The following PACRG variants were observed in gnomAD, a reference collection of about 807,000 sequenced individuals.
The protein encoded by PACRG is parkin coregulated gene protein.
In PACRG, 29 loss-of-function variants were observed where a neutral mutation model predicts 29.7. The observed-to-expected ratio is 0.98, with a 90% CI of 0.73 to 1.33. The LOEUF (loss-of-function observed/expected upper bound fraction) is 1.33. PACRG is among the 40% of genes most tolerant of loss of function. PACRG has a pLI of 0.00. For missense variants in PACRG, 279 were observed against 316.2 expected, an observed-to-expected ratio of 0.88 and a Z score of 0.89; for synonymous variants, 116 against 118.7, an observed-to-expected ratio of 0.98 and a Z score of 0.15.
chr6:163,148,428 C>T (rs1361058444), intron 4 of PACRG, among the ~76,000 whole-genome samples: 1 of 152,108 alleles, frequency 6.6e-6, no homozygotes, highest in Non-Finnish European at 1.5e-5. Flanking sequence ...GTGTGCAGGC[C>T]ACATCTGGCC....
intron 2 of PACRG, among the ~76,000 whole-genome samples, chr6:163,045,591 G>A (rs1331034588): frequency 6.7e-6 from 1 of 150,246 alleles, no homozygotes; most frequent in Non-Finnish European, 1.5e-5. Flanking sequence ...CCAAAGTGCT[G>A]GGATTACAGG....
intron 2 of PACRG, among the ~76,000 whole-genome samples, chr6:162,923,426 T>C (rs1797207170): frequency 6.6e-6 from 1 of 152,234 alleles, no homozygotes; most frequent in African/African-American, 2.4e-5. Flanking sequence ...CATAAAATCT[T>C]TGCTATGCCA....
chr6:163,113,753 A>G (rs1277492720), intron 4 of PACRG, among the ~76,000 whole-genome samples: 1 of 152,204 alleles, frequency 6.6e-6, no homozygotes, highest in Non-Finnish European at 1.5e-5. Flanking sequence ...TGCAGAAAAC[A>G]CTAAAAGGAG....
At chr6:162,842,366 C>T (rs1315185943) in intron 2 of PACRG, among the ~76,000 whole-genome samples, 2 of 147,140 alleles carry the variant, frequency 1.4e-5, no homozygotes, top group African/African-American at 5.0e-5. Flanking sequence ...TTCTTTGTCT[C>T]TTTTGATCTT....
chr6:163,290,409 A>C (rs778434164), intron 4 of PACRG, among the ~76,000 whole-genome samples: 1 of 152,076 alleles, frequency 6.6e-6, no homozygotes, highest in Non-Finnish European at 1.5e-5. Flanking sequence ...GGGACCAAAA[A>C]CGTTGACCAG....
At chr6:162,953,980 A>G (rs1194956268) in intron 2 of PACRG, among the ~76,000 whole-genome samples, 1 of 152,218 alleles carries the variant, frequency 6.6e-6, no homozygotes, top group African/African-American at 2.4e-5. Context: ...TATTTTTACA[A>G]AATTCTAATA....
intron 2 of PACRG, among the ~76,000 whole-genome samples, chr6:162,941,266 A>T (rs1456387906): frequency 6.6e-6 from 1 of 151,854 alleles, no homozygotes; most frequent in African/African-American, 2.4e-5. Context: ...AGGTTATTTC[A>T]TTTCTTCTGG....
intron 4 of PACRG, among the ~76,000 whole-genome samples, chr6:163,270,855 A>G (rs1431078976): frequency 6.6e-6 from 1 of 152,200 alleles, no homozygotes; most frequent in Non-Finnish European, 1.5e-5. Flanking sequence ...CCAATAGAAA[A>G]TGGTAGCAAA....
At chr6:163,265,782 A>G (rs1016773521) in intron 4 of PACRG, among the ~76,000 whole-genome samples, 3 of 152,240 alleles carry the variant, frequency 2.0e-5, no homozygotes, top group Non-Finnish European at 2.9e-5. Context: ...TTAATGATCG[A>G]GGTTAAATAT....
At chr6:162,945,944 A>T (rs959747053) in intron 2 of PACRG, among the ~76,000 whole-genome samples, 2 of 152,180 alleles carry the variant, frequency 1.3e-5, no homozygotes, top group Admixed American at 6.5e-5. Flanking sequence ...GGAGGAAATT[A>T]AAAAATATCT....
At chr6:163,037,485 G>A (rs1399497038) in intron 2 of PACRG, among the ~76,000 whole-genome samples, 1 of 152,198 alleles carries the variant, frequency 6.6e-6, no homozygotes, top group East Asian at 1.9e-4. Flanking sequence ...CCTGCTGACT[G>A]TTGCAGGTTT....
chr6:162,971,870 A>G (rs1801558663), intron 2 of PACRG, among the ~76,000 whole-genome samples: 1 of 152,154 alleles, frequency 6.6e-6, no homozygotes, highest in Non-Finnish European at 1.5e-5. Context: ...TGAGGCCCCT[A>G]TAAAGAGGAC....
At chr6:163,268,538 A>C (rs1431532979) in intron 4 of PACRG, among the ~76,000 whole-genome samples, 2 of 152,170 alleles carry the variant, frequency 1.3e-5, no homozygotes, top group African/African-American at 2.4e-5. Flanking sequence ...CTATAGTAGG[A>C]ATATTAGCTT....
chr6:162,874,293 C>G (rs1362305677), intron 2 of PACRG, among the ~76,000 whole-genome samples: 1 of 151,972 alleles, frequency 6.6e-6, no homozygotes, highest in Non-Finnish European at 1.5e-5. Flanking sequence ...CTATTTTAAT[C>G]TTTCCCTTCA....
At chr6:163,025,310 C>A (rs565260838) in intron 2 of PACRG, among the ~76,000 whole-genome samples, 2 of 152,170 alleles carry the variant, frequency 1.3e-5, no homozygotes, top group Non-Finnish European at 2.9e-5. Context: ...TCTTTGCTAA[C>A]GATATGATTC....
intron 4 of PACRG, among the ~76,000 whole-genome samples, chr6:163,130,550 T>C (rs1183175595): frequency 2.6e-5 from 4 of 152,294 alleles, no homozygotes; most frequent in South Asian, 4.1e-4. Flanking sequence ...CCACAGCACC[T>C]CCACCACTTT....
chr6:162,996,375 G>T (rs1037771947), intron 2 of PACRG, among the ~76,000 whole-genome samples: 1 of 152,132 alleles, frequency 6.6e-6, no homozygotes, highest in South Asian at 2.1e-4. Context: ...CATAATGGAG[G>T]TGATAAAAGT....
At chr6:163,175,530 C>G (rs1779304780) in intron 4 of PACRG, among the ~76,000 whole-genome samples, 1 of 151,932 alleles carries the variant, frequency 6.6e-6, no homozygotes, top group Non-Finnish European at 1.5e-5. Context: ...GGTGGGATGC[C>G]ACTGAGGCTT....
At chr6:162,765,579 A>G (rs796264018) in intron 1 of PACRG, among the ~76,000 whole-genome samples, 5 of 152,270 alleles carry the variant, frequency 3.3e-5, no homozygotes, top group African/African-American at 1.2e-4. Flanking sequence ...TTGTACCATT[A>G]TCGTAAGTGA....
Sources: allele counts gnomAD v4.1 joint callset (sites outside exome capture counted in the v4.1 genomes callset), GRCh38; gene constraint gnomAD v4.1.1; transcripts MANE v1.5; gene names NCBI Gene and HGNC (gene_info 2026-07-23, HGNC 2026-07-21).